AGBL4: variants seen among roughly 807,000 people sequenced by gnomAD.
AGBL4 encodes AGBL carboxypeptidase 4.
Under a neutral mutation model 66.4 loss-of-function variants are expected in AGBL4, and 58 were observed. The observed-to-expected ratio is 0.87, with a 90% CI of 0.71 to 1.09. AGBL4 has a LOEUF of 1.09. Ranked by LOEUF, AGBL4 falls within the 50% of genes least tolerant of loss-of-function variation. The pLI is 0.00. For synonymous variants in AGBL4, 234 were observed against 222.9 expected, an observed-to-expected ratio of 1.05 and a Z score of -0.44; for missense variants, 579 against 631.0, an observed-to-expected ratio of 0.92 and a Z score of 0.88.
intron 1 of AGBL4, among the ~76,000 whole-genome samples, chr1:49,935,968 T>C (rs1245410094): frequency 6.6e-6 from 1 of 151,988 alleles, no homozygotes; most frequent in Non-Finnish European, 1.5e-5. Context: ...TCCCCAGCAA[T>C]GGAACAACGC....
chr1:49,668,101 T>C (rs1646404661), intron 3 of AGBL4, among the ~76,000 whole-genome samples: 1 of 152,128 alleles, frequency 6.6e-6, no homozygotes, highest in South Asian at 2.1e-4. Context: ...GCTGAGTGAA[T>C]TAAAGACACA....
At position 49,575,617 on chromosome 1, in the gene AGBL4, G is replaced by A. The variant is rs190403043; in HGVS notation, c.282+121696C>T. ...GACAGATGGATATTGGAAAATGACA[G>A]TGGATTATTATAAGCTTAACCAAGT... On this transcript the variant is annotated intron_variant, in intron 3 of 13. Coordinates refer to ENST00000371839, the MANE Select transcript of AGBL4 (RefSeq NM_032785.4). Among the ~76,000 whole-genome samples the A allele has an allele frequency of 3.3e-5, 5 of 152,358 alleles. No homozygotes were observed. In the East Asian group the frequency reaches 9.6e-4, roughly 29 times the overall value.
chr1:48,885,662 A>AT (rs1263593246), intron 5 of AGBL4, among the ~76,000 whole-genome samples: 1 of 152,148 alleles, frequency 6.6e-6, no homozygotes, highest in Non-Finnish European at 1.5e-5. Context: ...CTATCATGGC[A>AT]TTTTTAATCT....
chr1:48,737,924 G>A (rs961941264), intron 6 of AGBL4, among the ~76,000 whole-genome samples: 1 of 152,132 alleles, frequency 6.6e-6, no homozygotes, highest in East Asian at 1.9e-4. Context: ...ACATGAGAAG[G>A]ACCTGCCAAA....
chr1:48,704,287 G>A (rs978865835), intron 6 of AGBL4, among the ~76,000 whole-genome samples: 3 of 152,178 alleles, frequency 2.0e-5, no homozygotes, highest in Admixed American at 6.5e-5. Context: ...GGTGGTGAGC[G>A]AATGTGAAGG....
intron 3 of AGBL4, among the ~76,000 whole-genome samples, chr1:49,323,958 C>T (rs938675496): frequency 1.3e-5 from 2 of 152,138 alleles, no homozygotes; most frequent in African/African-American, 2.4e-5. Flanking sequence ...GTCTTTGCCT[C>T]TGAAATAGAA....
At chr1:48,570,912 C>A (rs1389918424) in intron 11 of AGBL4, among the ~76,000 whole-genome samples, 1 of 152,178 alleles carries the variant, frequency 6.6e-6, no homozygotes, top group Non-Finnish European at 1.5e-5. Flanking sequence ...GGTCATCTGG[C>A]TTCGTGTGCC....
At chr1:49,795,400 T>A (rs1266284904) in intron 2 of AGBL4, among the ~76,000 whole-genome samples, 2 of 152,042 alleles carry the variant, frequency 1.3e-5, no homozygotes, top group African/African-American at 4.8e-5. Flanking sequence ...ATGATTTTTT[T>A]AATAAATTCA....
At chr1:49,813,543 C>T in intron 2 of AGBL4, among the ~76,000 whole-genome samples, 1 of 152,104 alleles carries the variant, frequency 6.6e-6, no homozygotes, top group East Asian at 1.9e-4. Context: ...CCTATACAGA[C>T]TCTGCTCATT....
chr1:48,893,344 G>A (rs1021874897), intron 5 of AGBL4, among the ~76,000 whole-genome samples: 3 of 152,054 alleles, frequency 2.0e-5, no homozygotes, highest in Non-Finnish European at 4.4e-5. Flanking sequence ...AAGTAATGAG[G>A]TCATGAGGGT....
chr1:48,880,609 T>C (rs1315170267), intron 5 of AGBL4, among the ~76,000 whole-genome samples: 3 of 152,178 alleles, frequency 2.0e-5, no homozygotes, highest in South Asian at 4.1e-4. Flanking sequence ...CCCTGTTCAC[T>C]GCATCCATGC....
chr1:49,475,718 A>G (rs1646833095), intron 3 of AGBL4, among the ~76,000 whole-genome samples: 1 of 152,044 alleles, frequency 6.6e-6, no homozygotes, highest in Non-Finnish European at 1.5e-5. Flanking sequence ...TTGTGCATAG[A>G]AATGTTCACA....
intron 3 of AGBL4, among the ~76,000 whole-genome samples, chr1:49,419,435 A>G (rs1645496294): frequency 1.3e-5 from 2 of 152,232 alleles, no homozygotes; most frequent in South Asian, 4.1e-4. Flanking sequence ...TGTGATACAT[A>G]TGGAATGGCA....
At chr1:48,942,455 G>A (rs1036489071) in intron 5 of AGBL4, among the ~76,000 whole-genome samples, 3 of 152,014 alleles carry the variant, frequency 2.0e-5, no homozygotes, top group African/African-American at 7.3e-5. Context: ...CTGTTAAATA[G>A]GATAACAATG....
intron 2 of AGBL4, among the ~76,000 whole-genome samples, chr1:49,700,609 C>T (rs924439226): frequency 2.2e-4 from 34 of 151,946 alleles, no homozygotes; most frequent in African/African-American, 8.0e-4. Context: ...ATCATATGCT[C>T]GTCCATAAAG....
chr1:49,958,207 T>C (rs1656799852), intron 1 of AGBL4, among the ~76,000 whole-genome samples: 1 of 152,132 alleles, frequency 6.6e-6, no homozygotes, highest in African/African-American at 2.4e-5. Context: ...TTCTGGCTTG[T>C]AGAGTTTCTG....
intron 3 of AGBL4, among the ~76,000 whole-genome samples, chr1:49,532,060 T>C (rs1463531650): frequency 2.0e-5 from 3 of 152,070 alleles, no homozygotes; most frequent in Non-Finnish European, 4.4e-5. Flanking sequence ...TTTTGTTAGT[T>C]CCCCTTCATC....
At chr1:49,680,512 T>C (rs188959422) in intron 3 of AGBL4, among the ~76,000 whole-genome samples, 4 of 152,310 alleles carry the variant, frequency 2.6e-5, no homozygotes, top group East Asian at 3.9e-4. Flanking sequence ...TCTAAGTAGA[T>C]AGGTATTTTC....
At chr1:49,455,433 AT>A (rs1389210248) in intron 3 of AGBL4, among the ~76,000 whole-genome samples, 1 of 151,636 alleles carries the variant, frequency 6.6e-6, no homozygotes, top group African/African-American at 2.4e-5. Context: ...AGTTATTGTT[AT>A]TTTGGCTGAT....
Sources: gnomAD v4.1 joint callset for allele counts (sites outside exome capture counted in the v4.1 genomes callset) on GRCh38, gnomAD v4.1.1 for gene constraint, MANE v1.5 for transcripts, NCBI Gene and HGNC (gene_info 2026-07-23, HGNC 2026-07-21) for gene names.